SHROOM4: variants seen among roughly 807,000 people sequenced by gnomAD.
SHROOM4 encodes the protein shroom family member 4.
In SHROOM4, 17 loss-of-function variants were observed where a neutral mutation model predicts 80.3. The observed-to-expected ratio is 0.21, with a 90% CI of 0.14 to 0.32. The LOEUF is 0.32. Ranked by LOEUF, SHROOM4 falls within the 10% of genes least tolerant of loss-of-function variation. SHROOM4 has a pLI of 1.00. For missense variants in SHROOM4, 993 were observed against 1,140.3 expected (o/e 0.87, Z 1.86); for synonymous variants, 400 against 437.5 (o/e 0.91, Z 1.07).
intron 1 of SHROOM4, among the ~76,000 whole-genome samples, chrX:50,807,091 G>T (rs1936240392): frequency 2.7e-5 from 3 of 112,081 alleles, no homozygotes; most frequent in Admixed American, 1.9e-4. Flanking sequence ...ACGTTTCCTA[G>T]ACCTCTACAC....
intron 7 of SHROOM4, among the ~76,000 whole-genome samples, chrX:50,600,169 T>C (rs782598856): frequency 1.8e-5 from 2 of 112,175 alleles, no homozygotes; most frequent in South Asian, 7.5e-4. Context: ...AGACTTAGTA[T>C]TATGACTGGC....
intron 1 of SHROOM4, among the ~76,000 whole-genome samples, chrX:50,796,527 G>A (rs1557272129): frequency 1.8e-5 from 2 of 111,376 alleles, no homozygotes; most frequent in Admixed American, 9.6e-5. Context: ...GTCGGAGGTG[G>A]AAGGAATGGT....
rs142189648 is a variant in SHROOM4, at chrX:50,635,342, T to G, written c.731A>C (p.Asn244Thr). The G allele has an allele frequency of 8.3e-7, 1 of 1,200,861 alleles. No homozygotes were observed. Among genetic ancestry groups the G allele is most frequent in the East Asian group, 3.0e-5 (1 of 33,362 alleles). The change falls in exon 4 of 9, where the codon AAT becomes ACT. Residue 244 changes from asparagine to threonine, a missense_variant. Coordinates refer to ENST00000376020, the MANE Select transcript of SHROOM4 (RefSeq NM_020717.5). Reference protein sequence around the residue: ...AETSGGSRRTNGGHLTPSSQM... With the variant: ...AETSGGSRRTTGGHLTPSSQM... Reference sequence around the variant, plus strand: ...AGAGCTGGGGGTCAGGTGGCCCCCATTGGTGCGCCGACTACCTCCTGAGGT... The same window carrying G: ...AGAGCTGGGGGTCAGGTGGCCCCCAGTGGTGCGCCGACTACCTCCTGAGGT...
chrX:50,803,146 C>T (rs1936162195), intron 1 of SHROOM4, among the ~76,000 whole-genome samples: 1 of 111,881 alleles, frequency 8.9e-6, no homozygotes, highest in South Asian at 3.7e-4. Context: ...GCCGAGATCA[C>T]GCCACTGCAC....
intron 1 of SHROOM4, among the ~76,000 whole-genome samples, chrX:50,696,232 A>G (rs782060916): frequency 9.0e-6 from 1 of 111,690 alleles, no homozygotes; most frequent in Non-Finnish European, 1.9e-5. Context: ...AATGAACCCT[A>G]CTATGTGGCT....
chrX:50,576,631 G>A, the SHROOM4 span, among the ~76,000 whole-genome samples: 1 of 111,350 alleles, frequency 9.0e-6, no homozygotes, highest in African/African-American at 3.3e-5. Context: ...TTGTGTGTGT[G>A]TGTTCTGTTT....
chrX:50,709,457 A>G (rs1194993389), intron 1 of SHROOM4, among the ~76,000 whole-genome samples: 1 of 112,326 alleles, frequency 8.9e-6, no homozygotes, highest in Non-Finnish European at 1.9e-5. Context: ...ATAGCCACAT[A>G]TTATCTCTTC....
At chrX:50,786,069 C>G (rs1442592642) in intron 1 of SHROOM4, among the ~76,000 whole-genome samples, 1 of 111,480 alleles carries the variant, frequency 9.0e-6, no homozygotes, top group African/African-American at 3.3e-5. Context: ...GATGAGACTA[C>G]CACATTAAAG....
chrX:50,796,395 A>G (rs1475313162), intron 1 of SHROOM4, among the ~76,000 whole-genome samples: 1 of 111,775 alleles, frequency 8.9e-6, no homozygotes, highest in African/African-American at 3.3e-5. Context: ...ATGGAGCCAT[A>G]GCAACAATTC....
Position 50,607,817 on chromosome X carries a change from A to G in SHROOM4, c.3325T>C (p.Trp1109Arg), listed in dbSNP as rs1472862123. ...GCACGAAAGAGCCTGTACTTCTCCC[A>G]GTTGGGAGGAGGAGGGCGAGGAGGA... ...FPPPRPPPPN[W>R]EKYRLFRAAQ... The change falls in exon 6 of 9, where the codon TGG becomes CGG. Residue 1109 changes from tryptophan to arginine, a missense_variant. Coordinates refer to ENST00000376020, the MANE Select transcript of SHROOM4 (RefSeq NM_020717.5). The G allele has an allele frequency of 8.3e-7, 1 of 1,206,225 alleles. No homozygotes were observed. The highest frequency in any genetic ancestry group is 1.1e-6 in the Non-Finnish European group (1 of 893,566).
chrX:50,677,158 T>C (rs1205485672), intron 2 of SHROOM4, among the ~76,000 whole-genome samples: 3 of 111,372 alleles, frequency 2.7e-5, no homozygotes, highest in African/African-American at 9.8e-5. Flanking sequence ...ACAGTATGAA[T>C]TATAGTTAAT....
In SHROOM4 at chrX:50,754,276, G is replaced by A. The variant is rs781969867; in HGVS notation, c.118-58339C>T. Reference sequence around the variant, plus strand: ...TTAGGAAGGAGCTACAGAACTGGAGGCAAAGAATTCATTCTCCCATTTATT... The same window carrying A: ...TTAGGAAGGAGCTACAGAACTGGAGACAAAGAATTCATTCTCCCATTTATT... On this transcript the variant is annotated intron_variant, in intron 1 of 8. Coordinates refer to ENST00000376020, the MANE Select transcript of SHROOM4 (RefSeq NM_020717.5). 4.5e-5 allele frequency among the ~76,000 whole-genome samples: 5 copies of A among 111,504 alleles called. No homozygotes were observed. The Admixed American group carries it at 4.8e-4, about 11-fold the overall frequency.
At chrX:50,776,317 G>A (rs1222103776) in intron 1 of SHROOM4, among the ~76,000 whole-genome samples, 2 of 111,117 alleles carry the variant, frequency 1.8e-5, no homozygotes, top group Admixed American at 9.6e-5. Flanking sequence ...ATATATATAC[G>A]TATATTTTAA....
At chrX:50,793,577 T>C (rs1557271749) in intron 1 of SHROOM4, among the ~76,000 whole-genome samples, 1 of 104,031 alleles carries the variant, frequency 9.6e-6, no homozygotes, top group African/African-American at 3.5e-5. Flanking sequence ...TCAAATTTTA[T>C]CTAGTAGGCA....
At chrX:50,628,551 CCT>C (rs1285935981) in intron 4 of SHROOM4, among the ~76,000 whole-genome samples, 1 of 111,519 alleles carries the variant, frequency 9.0e-6, no homozygotes, top group African/African-American at 3.3e-5. Flanking sequence ...TTCCAAACTC[CCT>C]CTTTCTCCAA....
chrX:50,615,133 T>C (rs1364688679), intron 5 of SHROOM4, among the ~76,000 whole-genome samples: 3 of 108,368 alleles, frequency 2.8e-5, no homozygotes, highest in Non-Finnish European at 5.7e-5. Flanking sequence ...TGTGTGTGTA[T>C]ACACTAAATG....
chrX:50,713,355 G>A (rs1472478620), intron 1 of SHROOM4, among the ~76,000 whole-genome samples: 2 of 111,804 alleles, frequency 1.8e-5, no homozygotes, highest in Admixed American at 9.4e-5. Flanking sequence ...TTCGGGGCAG[G>A]CACAGTAGCT....
chrX:50,779,986 C>T (rs1935590052), intron 1 of SHROOM4, among the ~76,000 whole-genome samples: 1 of 111,420 alleles, frequency 9.0e-6, no homozygotes, highest in African/African-American at 3.3e-5. Flanking sequence ...ACAGCTGAAG[C>T]TCCCAGCATG....
chrX:50,641,533 T>C (rs1931596672), intron 2 of SHROOM4, among the ~76,000 whole-genome samples: 1 of 111,713 alleles, frequency 9.0e-6, no homozygotes, highest in African/African-American at 3.3e-5. Flanking sequence ...TACCCACACC[T>C]AGGGTACCAT....
Sources: gnomAD v4.1 joint callset for allele counts (sites outside exome capture counted in the v4.1 genomes callset) on GRCh38, gnomAD v4.1.1 for gene constraint, MANE v1.5 for transcripts, NCBI Gene and HGNC (gene_info 2026-07-23, HGNC 2026-07-21) for gene names.